LYPLAL1: variants seen among roughly 807,000 people sequenced by gnomAD.
The protein encoded by LYPLAL1 is lysophospholipase-like protein 1.
Under a neutral mutation model 19.7 loss-of-function variants are expected in LYPLAL1, and 23 were observed. That is an observed-to-expected ratio of 1.17 (90% CI 0.84 to 1.65). The LOEUF is 1.65. LYPLAL1 is among the 40% of genes most tolerant of loss of function. The probability of loss-of-function intolerance (pLI) is 0.00; values close to 1 mark genes in which losing one functional copy is unlikely to be tolerated. For missense variants in LYPLAL1, 355 were observed against 279.4 expected, an observed-to-expected ratio of 1.27 and a Z score of -1.93; for synonymous variants, 119 against 96.3, an observed-to-expected ratio of 1.24 and a Z score of -1.38.
the LYPLAL1 span, among the ~76,000 whole-genome samples, chr1:219,229,337 G>GAGAGAGAGAGAGAGAGAGAGAC: frequency 7.7e-6 from 1 of 129,990 alleles, no homozygotes; most frequent in South Asian, 2.6e-4. Flanking sequence ...GAGAGAGAGA[G>GAGAGAGAGAGAGAGAGAGAGAC]ACACGCAGGC....
At chr1:219,320,545 C>T in the LYPLAL1 span, among the ~76,000 whole-genome samples, 4 of 152,168 alleles carry the variant, frequency 2.6e-5, no homozygotes, top group Non-Finnish European at 5.9e-5. Flanking sequence ...CACCCATTAA[C>T]TCGTTATTTA....
the LYPLAL1 span, among the ~76,000 whole-genome samples, chr1:219,382,492 T>C: frequency 1.4e-4 from 21 of 152,306 alleles, no homozygotes; most frequent in African/African-American, 5.1e-4. Context: ...CCTGAGTAGC[T>C]GGGACTACAG....
At chr1:219,315,551 T>C in the LYPLAL1 span, among the ~76,000 whole-genome samples, 1 of 152,172 alleles carries the variant, frequency 6.6e-6, no homozygotes, top group Non-Finnish European at 1.5e-5. Flanking sequence ...AGACATCATT[T>C]TAAAATTAGG....
chr1:219,336,946 G>C, the LYPLAL1 span, among the ~76,000 whole-genome samples: 1 of 151,928 alleles, frequency 6.6e-6, no homozygotes, highest in Non-Finnish European at 1.5e-5. Context: ...GTTCTACTGG[G>C]CTGGAATCAG....
the LYPLAL1 span, among the ~76,000 whole-genome samples, chr1:219,295,093 C>T: frequency 6.6e-6 from 1 of 152,156 alleles, no homozygotes; most frequent in African/African-American, 2.4e-5. Context: ...GGCAGCACTC[C>T]ACAGCATCCA....
At chr1:219,277,178 T>G in the LYPLAL1 span, among the ~76,000 whole-genome samples, 1 of 152,182 alleles carries the variant, frequency 6.6e-6, no homozygotes, top group South Asian at 2.1e-4. Context: ...AGAATTTACT[T>G]CCACCTAATC....
chr1:219,421,865 ATTACT>A, the LYPLAL1 span, among the ~76,000 whole-genome samples: 3 of 152,208 alleles, frequency 2.0e-5, no homozygotes, highest in African/African-American at 7.2e-5. Flanking sequence ...AAGTTAAAGG[ATTACT>A]TTAACGTTTT....
chr1:219,423,302 A>G, the LYPLAL1 span, among the ~76,000 whole-genome samples: 17 of 152,106 alleles, frequency 1.1e-4, no homozygotes, highest in African/African-American at 2.4e-4. Context: ...GTCCATAGAC[A>G]TTTTGGTCTT....
chr1:219,267,206 G>A, the LYPLAL1 span, among the ~76,000 whole-genome samples: 12 of 152,076 alleles, frequency 7.9e-5, no homozygotes, highest in Non-Finnish European at 1.3e-4. Flanking sequence ...AATCATTGAA[G>A]CCAGAGAACA....
the LYPLAL1 span, among the ~76,000 whole-genome samples, chr1:219,415,769 G>A: frequency 6.6e-6 from 1 of 152,326 alleles, no homozygotes; most frequent in South Asian, 2.1e-4. Context: ...GCAGGGCCAT[G>A]TTCCCTCTGG....
chr1:219,402,049 G>A, the LYPLAL1 span, among the ~76,000 whole-genome samples: 1 of 151,950 alleles, frequency 6.6e-6, no homozygotes, highest in Non-Finnish European at 1.5e-5. Context: ...GGTCTTTCTT[G>A]GACAATTCAT....
chr1:219,432,991 G>A, the LYPLAL1 span, among the ~76,000 whole-genome samples: 1,753 of 152,254 alleles, frequency 0.012, 42 homozygotes, highest in African/African-American at 0.04. Flanking sequence ...CAGGAAAGCT[G>A]CCCAGGGCAG....
At chr1:219,209,862 A>G (rs528426701) in intron 3 of LYPLAL1, among the ~76,000 whole-genome samples, 28 of 152,214 alleles carry the variant, frequency 1.8e-4, no homozygotes, top group Admixed American at 1.6e-3. Flanking sequence ...TAATCTGCAT[A>G]TATCCAGTGA....
the LYPLAL1 span, among the ~76,000 whole-genome samples, chr1:219,395,388 T>A: frequency 1.3e-5 from 2 of 152,208 alleles, no homozygotes; most frequent in African/African-American, 4.8e-5. Flanking sequence ...ATATTGTGTT[T>A]TTTTTCTCAT....
chr1:219,412,117 T>C, the LYPLAL1 span, among the ~76,000 whole-genome samples: 1 of 152,154 alleles, frequency 6.6e-6, no homozygotes, highest in African/African-American at 2.4e-5. Context: ...GGCACCTTCT[T>C]ATCTCACCGC....
the LYPLAL1 span, among the ~76,000 whole-genome samples, chr1:219,430,528 G>A: frequency 1.3e-5 from 2 of 152,198 alleles, no homozygotes; most frequent in East Asian, 1.9e-4. Context: ...TTCAGTAAAT[G>A]TTTGTGGGAT....
intron 1 of LYPLAL1, 150 bp downstream of exon 1, chr1:219,174,131 G>T (rs1655604251): frequency 2.1e-6 from 3 of 1,455,958 alleles, no homozygotes; most frequent in Non-Finnish European, 2.7e-6. Context: ...GTAGATGCAC[G>T]GGCAGCGCCA....
the LYPLAL1 span, among the ~76,000 whole-genome samples, chr1:219,443,084 G>GAA: frequency 0.1 from 14,572 of 142,992 alleles, 702 homozygotes; most frequent in Middle Eastern, 0.18. Flanking sequence ...GTTTCTGCTG[G>GAA]AAAAAAAAAA....
chr1:219,238,045 T>C, the LYPLAL1 span, among the ~76,000 whole-genome samples: 2 of 152,108 alleles, frequency 1.3e-5, no homozygotes, highest in African/African-American at 2.4e-5. Context: ...TCACTGAATA[T>C]GTCTCAGCCT....
Sources: allele counts gnomAD v4.1 joint callset (sites outside exome capture counted in the v4.1 genomes callset), GRCh38; gene constraint gnomAD v4.1.1; transcripts MANE v1.5; gene names NCBI Gene and HGNC (gene_info 2026-07-23, HGNC 2026-07-21).